HDAC9: variants seen among roughly 807,000 people sequenced by gnomAD.
HDAC9 encodes the protein MEF-2 interacting transcription repressor (MITR) protein.
HDAC9 carries 41 observed loss-of-function variants against 139.4 expected under a neutral mutation model. That is an observed-to-expected ratio of 0.29 (90% CI 0.23 to 0.38). The LOEUF is 0.38. Among genes scored for constraint, HDAC9 ranks in the 10% least tolerant of loss-of-function variants. The probability of loss-of-function intolerance (pLI) is 1.00; values close to 1 mark genes in which losing one functional copy is unlikely to be tolerated. For missense variants in HDAC9, 1,147 were observed against 1,297.0 expected (o/e 0.88, Z 1.78); for synonymous variants, 517 against 476.2 (o/e 1.09, Z -1.12).
intron 1 of HDAC9, among the ~76,000 whole-genome samples, chr7:18,452,360 A>G (rs1792952718): frequency 6.6e-6 from 1 of 152,188 alleles, no homozygotes; most frequent in Non-Finnish European, 1.5e-5. Flanking sequence ...TGAGGAAACA[A>G]GCAGAAATAT....
At chr7:18,840,742 G>A (rs1349316333) in intron 21 of HDAC9, among the ~76,000 whole-genome samples, 2 of 152,002 alleles carry the variant, frequency 1.3e-5, no homozygotes, top group Non-Finnish European at 2.9e-5. Flanking sequence ...GTTCATATCT[G>A]TTTACTTTAA....
intron 22 of HDAC9, among the ~76,000 whole-genome samples, chr7:18,877,327 A>G (rs1390224288): frequency 6.6e-6 from 1 of 152,154 alleles, no homozygotes; most frequent in African/African-American, 2.4e-5. Context: ...CTTTGGTCGA[A>G]AAGTTCTGTA....
At chr7:18,254,024 A>G (rs772039155) in intron 2 of HDAC9, among the ~76,000 whole-genome samples, 20 of 152,246 alleles carry the variant, frequency 1.3e-4, no homozygotes, top group Non-Finnish European at 2.5e-4. Flanking sequence ...TGCTTCTGCC[A>G]TAGTGTTTAA....
Position 18,997,563 on chromosome 7 carries a change from G to A in HDAC9, c.*1501G>A, listed in dbSNP as rs1786538427. The A allele has an allele frequency of 6.6e-6, 1 of 151,930 alleles. No homozygotes were observed. Among genetic ancestry groups the A allele is most frequent in the Non-Finnish European group, 1.5e-5 (1 of 67,974 alleles). 9.4% of individuals were successfully genotyped at this position (151,930 alleles called of 1,614,324 possible). A position where few individuals can be genotyped will look rare whatever the true frequency, so the allele number is the denominator to read the frequency against. On this transcript the variant is annotated 3_prime_UTR_variant, in exon 26 of 26. Coordinates refer to ENST00000686413, the MANE Select transcript of HDAC9 (RefSeq NM_178425.4). ...TTTTATATATTTTTCTAACTCAAAGGATATATTAAAGCCATAAGTGAAGAT... is the reference window on the plus strand; with the variant it reads ...TTTTATATATTTTTCTAACTCAAAGAATATATTAAAGCCATAAGTGAAGAT...
intron 2 of HDAC9, among the ~76,000 whole-genome samples, chr7:18,581,160 T>G (rs1021787453): frequency 6.6e-6 from 1 of 152,168 alleles, no homozygotes; most frequent in African/African-American, 2.4e-5. Context: ...GAAATATTCA[T>G]GCCTTTGCTC....
chr7:18,209,728 T>A (rs1791795834), intron 2 of HDAC9, among the ~76,000 whole-genome samples: 2 of 151,312 alleles, frequency 1.3e-5, no homozygotes, highest in South Asian at 4.2e-4. Flanking sequence ...TGAGACAGAG[T>A]CTCACTCTGT....
intron 21 of HDAC9, among the ~76,000 whole-genome samples, chr7:18,864,936 A>G (rs865805791): frequency 2.6e-5 from 4 of 152,220 alleles, no homozygotes; most frequent in South Asian, 4.1e-4. Flanking sequence ...ACATTTTACC[A>G]CAATAAAACT....
chr7:18,936,746 G>A (rs1476493202), intron 23 of HDAC9, among the ~76,000 whole-genome samples: 1 of 152,086 alleles, frequency 6.6e-6, no homozygotes, highest in Non-Finnish European at 1.5e-5. Context: ...ATATGATTTT[G>A]CTTATTAGAT....
At chr7:18,341,985 T>A (rs2128662425) in intron 1 of HDAC9, among the ~76,000 whole-genome samples, 1 of 152,014 alleles carries the variant, frequency 6.6e-6, no homozygotes, top group South Asian at 2.1e-4. Flanking sequence ...CTCTTCAGTT[T>A]ACTGTACTCA....
chr7:18,823,019 T>G (rs1393492670), intron 17 of HDAC9, among the ~76,000 whole-genome samples: 1 of 152,218 alleles, frequency 6.6e-6, no homozygotes, highest in Non-Finnish European at 1.5e-5. Flanking sequence ...TTAATATGTT[T>G]TTTATTCTGA....
At chr7:18,339,956 C>T (rs1035126016) in intron 1 of HDAC9, among the ~76,000 whole-genome samples, 2 of 151,406 alleles carry the variant, frequency 1.3e-5, no homozygotes, top group East Asian at 3.9e-4. Context: ...GATTTTCTGT[C>T]TATGTTTTCT....
intron 2 of HDAC9, among the ~76,000 whole-genome samples, chr7:18,549,331 A>G (rs1235832812): frequency 6.6e-6 from 1 of 152,222 alleles, no homozygotes; most frequent in Admixed American, 6.5e-5. Flanking sequence ...TTATGTTCGC[A>G]CAGAATATTG....
intron 1 of HDAC9, among the ~76,000 whole-genome samples, chr7:18,306,527 A>G (rs1798918341): frequency 6.6e-6 from 1 of 152,190 alleles, no homozygotes; most frequent in South Asian, 2.1e-4. Flanking sequence ...AGTTTAATTA[A>G]GACTGAGTAA....
chr7:18,545,059 C>T (rs1814324243), intron 2 of HDAC9, among the ~76,000 whole-genome samples: 1 of 152,182 alleles, frequency 6.6e-6, no homozygotes, highest in Non-Finnish European at 1.5e-5. Context: ...TCCCCCACAA[C>T]AAAATAATGA....
chr7:18,974,445 C>T (rs1784432661), intron 24 of HDAC9, among the ~76,000 whole-genome samples: 1 of 152,176 alleles, frequency 6.6e-6, no homozygotes, highest in Non-Finnish European at 1.5e-5. Context: ...CTGGACCATG[C>T]ATTTCTTGGT....
intron 23 of HDAC9, among the ~76,000 whole-genome samples, chr7:18,939,571 G>A (rs10250414): frequency 0.3 from 44,929 of 151,964 alleles, 8,002 homozygotes; most frequent in Non-Finnish European, 0.41. Context: ...CCAGGTCAAA[G>A]ATCATTATGA....
intron 12 of HDAC9, among the ~76,000 whole-genome samples, chr7:18,673,516 A>G (rs915471628): frequency 6.6e-6 from 1 of 152,100 alleles, no homozygotes; most frequent in African/African-American, 2.4e-5. Context: ...TATTGATTAC[A>G]TGTTGAAATA....
chr7:18,216,685 A>G (rs1323674072), intron 2 of HDAC9, among the ~76,000 whole-genome samples: 1 of 152,146 alleles, frequency 6.6e-6, no homozygotes, highest in East Asian at 1.9e-4. Context: ...TTCTGATGTA[A>G]ACACAATTGG....
intron 23 of HDAC9, among the ~76,000 whole-genome samples, chr7:18,941,628 T>C (rs376295222): frequency 6.6e-6 from 1 of 152,126 alleles, no homozygotes; most frequent in African/African-American, 2.4e-5. Flanking sequence ...TAGTTGCCAT[T>C]CATGAGTAAA....
Sources: gnomAD v4.1 joint callset for allele counts (sites outside exome capture counted in the v4.1 genomes callset) on GRCh38, gnomAD v4.1.1 for gene constraint, MANE v1.5 for transcripts, NCBI Gene and HGNC (gene_info 2026-07-23, HGNC 2026-07-21) for gene names.